TUBGCP6: variants seen among roughly 807,000 people sequenced by gnomAD.
TUBGCP6 encodes tubulin gamma complex component 6, also known as gamma-tubulin complex component 6.
Under a neutral mutation model 175.8 loss-of-function variants are expected in TUBGCP6, and 161 were observed. The observed-to-expected ratio is 0.92, with a 90% CI of 0.81 to 1.04. TUBGCP6 has a LOEUF of 1.04. Among genes scored for constraint, TUBGCP6 ranks in the 50% least tolerant of loss-of-function variants. TUBGCP6 has a pLI of 0.00. For missense variants in TUBGCP6, 2,572 were observed against 2,433.0 expected (o/e 1.06, Z -1.20); for synonymous variants, 1,173 against 1,030.5 (o/e 1.14, Z -2.65).
At position 50,218,406 on chromosome 22, in the gene TUBGCP6, G is replaced by C; in HGVS notation, c.4955-4C>G. The C allele has an allele frequency of 6.2e-7, 1 of 1,612,856 alleles. No individual in the cohort carries two copies. The highest frequency in any genetic ancestry group is 8.5e-7 in the Non-Finnish European group (1 of 1,179,870). Reference sequence around the variant, plus strand: ...CCGGCCATGTGGCTCAGCAGGGCTGGCGGAGGGCAGAAGGCAGAGGGCAGA... The same window carrying C: ...CCGGCCATGTGGCTCAGCAGGGCTGCCGGAGGGCAGAAGGCAGAGGGCAGA... On this transcript the variant is annotated splice_polypyrimidine_tract_variant and splice_region_variant and intron_variant, in intron 22 of 24. Transcript: ENST00000248846.
At position 50,219,349 on chromosome 22, in the gene TUBGCP6, T is replaced by G; in HGVS notation, c.4423A>C (p.Ser1475Arg). The change falls in exon 19 of 25, where the codon AGC becomes CGC. Residue 1475 changes from serine to arginine, a missense_variant. Ser to Arg is a moderately radical substitution (Grantham distance 110, BLOSUM62 -1). Transcript: ENST00000248846. ...SAADETAVQL[S>R]ELLTLPVLMK... ...AGCACGGGCAGCGTCAGCAACTCGC[T>G]CAGCTGCACAGCAGTCTCATCAGCG... The G allele has an allele frequency of 1.9e-6, 3 of 1,594,094 alleles. No homozygotes were observed. The Middle Eastern group carries it at 5.0e-4, about 264-fold the overall frequency.
At position 50,224,603 on chromosome 22, in the gene TUBGCP6, C is replaced by CAACT. The variant is rs1453670747; in HGVS notation, c.1984-15_1984-12dup. 1.2e-6 allele frequency: 2 copies of CAACT among 1,613,344 alleles called. No individual in the cohort carries two copies. Among genetic ancestry groups the CAACT allele is most frequent in the Non-Finnish European group, 1.7e-6 (2 of 1,179,918 alleles). On this transcript the variant is annotated splice_polypyrimidine_tract_variant and intron_variant, in intron 10 of 24. Transcript: ENST00000248846. ...TTCCATACGTAATTCCTGAGAAAGA[C>CAACT]AACTGGTAATCAAAGCATCCTGGCC...
intron 4 of TUBGCP6, among the ~76,000 whole-genome samples, chr22:50,228,391 T>TG (rs537206858): frequency 1.2e-3 from 175 of 151,410 alleles, no homozygotes; most frequent in African/African-American, 4.1e-3. Context: ...GCAAAGGGGC[T>TG]GGGGGGGAAA....
At chr22:50,234,466 TCGC>T (rs1601601379) in intron 2 of TUBGCP6, among the ~76,000 whole-genome samples, 2 of 102,310 alleles carry the variant, frequency 2.0e-5, no homozygotes, top group African/African-American at 7.9e-5. Context: ...CACAGCAGCA[TCGC>T]CCACACCCCC....
rs774338870 is a variant in TUBGCP6, at chr22:50,224,418, G to A, written c.2068C>T (p.Arg690Trp). 117 of 1,614,028 alleles carry A rather than the reference G, an allele frequency of 7.2e-5. No individual in the cohort carries two copies. Among genetic ancestry groups the A allele is most frequent in the East Asian group, 3.8e-4 (17 of 44,898 alleles). The change falls in exon 12 of 25, where the codon CGG becomes TGG. Residue 690 changes from arginine (R) to tryptophan (W), a missense_variant and splice_region_variant. By Grantham distance (101) the Arg-to-Trp change is moderately radical. Coordinates refer to ENST00000248846, the MANE Select transcript of TUBGCP6 (RefSeq NM_020461.4). ...AAGGCCATCCGTTCTGACATCTGCC[G>A]GTCTACATTGGGACAGTAAGGGGCG... ...ASRVLSALSD[R>W]QMSERMALDA...
rs138592738 is a variant in TUBGCP6, at chr22:50,224,586, G to A, written c.1990C>T (p.Arg664Cys). The change falls in exon 11 of 25, where the codon CGT (arginine) becomes TGT (cysteine). Residue 664 changes from arginine (R) to cysteine (C), a missense_variant. Arg to Cys is a radical substitution (Grantham distance 180, BLOSUM62 -3). Coordinates refer to ENST00000248846, the MANE Select transcript of TUBGCP6 (RefSeq NM_020461.4). ...SSVSKEEKEL[R>C]MEIAKQELIA... ...AATTCTTGTTTTGCAATTTCCATAC[G>A]TAATTCCTGAGAAAGACAACTGGTA... The A allele has an allele frequency of 2.4e-5, 39 of 1,613,788 alleles. No homozygotes were observed. Among genetic ancestry groups the A allele is most frequent in the Non-Finnish European group, 2.5e-5 (29 of 1,179,962 alleles).
In TUBGCP6 at chr22:50,243,730, G is replaced by C. The variant is rs1424072948; in HGVS notation, c.730C>G (p.Leu244Val). Residue 244 changes from leucine to valine, a missense_variant, in exon 1 of 25, where the codon CTG becomes GTG. Physicochemically the swap from Leu to Val is conservative, Grantham distance 32 (BLOSUM62 1). Coordinates refer to ENST00000248846, the MANE Select transcript of TUBGCP6 (RefSeq NM_020461.4). ...ACTAAACATTCTACCTTAATAGCCA[G>C]CCCAGAGAGGTCCGCATTGTCTGGC... ...PVPDNADLSG[L>V]AIKVPPSVDQ... 1 of 1,611,994 alleles carries C rather than the reference G, an allele frequency of 6.2e-7. No individual in the cohort carries two copies. Among genetic ancestry groups the C allele is most frequent in the Non-Finnish European group, 8.5e-7 (1 of 1,178,760 alleles).
In TUBGCP6 at chr22:50,220,846, C is replaced by T. The variant is rs61745994; in HGVS notation, c.3513G>A (p.Leu1171=). The change falls in exon 16 of 25, where the codon TTG becomes TTA. Residue 1171 remains leucine, a synonymous_variant. Transcript: ENST00000248846. ...HGHVSDASIS[L]GESVSDMAPA... The stretch of plus-strand genomic sequence containing the variant: ...GAGCCATGTCTGACACAGACTCCCC[C>T]AAGCTGATGCTGGCATCGGACACGT... 41,711 of 1,597,022 alleles carry T rather than the reference C, an allele frequency of 0.026. 606 individuals are homozygous for T. The highest frequency in any genetic ancestry group is 0.03 in the Non-Finnish European group (35,671 of 1,174,706).
At chr22:50,233,970 G>A (rs1408256319) in intron 2 of TUBGCP6, among the ~76,000 whole-genome samples, 4 of 151,244 alleles carry the variant, frequency 2.6e-5, no homozygotes, top group African/African-American at 9.7e-5. Context: ...CAGGTCCATG[G>A]CAGCATCCAC....
intron 4 of TUBGCP6, 66 bp downstream of exon 4, chr22:50,229,338 C>G: frequency 1.9e-6 from 3 of 1,552,552 alleles, no homozygotes; most frequent in South Asian, 2.3e-5. Context: ...CTCTGAGATT[C>G]TCTCTTCCAG....
intron 2 of TUBGCP6, among the ~76,000 whole-genome samples, chr22:50,235,080 C>T (rs2064753713): frequency 6.6e-6 from 1 of 151,660 alleles, no homozygotes; most frequent in South Asian, 2.1e-4. Flanking sequence ...ACACCCCTGT[C>T]CATGGGAACA....
Position 50,222,014 on chromosome 22 carries a change from A to C in TUBGCP6, c.2484+14T>G. 1 of 1,613,542 alleles carries C rather than the reference A, an allele frequency of 6.2e-7. No individual in the cohort carries two copies. Among genetic ancestry groups the C allele is most frequent in the East Asian group, 2.2e-5 (1 of 44,872 alleles). The stretch of plus-strand genomic sequence containing the variant: ...AAAACCATAGGGCACCCTGGGTTCC[A>C]CTCTGCCGCTTACCTGGGGGTGCAC... On this transcript the variant is annotated intron_variant, in intron 15 of 24. Coordinates refer to ENST00000248846, the MANE Select transcript of TUBGCP6 (RefSeq NM_020461.4).
rs1555906648 is a variant in TUBGCP6, at chr22:50,218,596, T to C, written c.4846A>G (p.Ile1616Val). The C allele has an allele frequency of 2.5e-6, 4 of 1,613,446 alleles. No homozygotes were observed. ...YKVDWPLNIV[I>V]TEGCVSKYSG... ...TACTTGCTCACGCAGCCCTCGGTGATGACAATGTTGAGAGGCCAGTCCACC... is the reference window on the plus strand; with the variant it reads ...TACTTGCTCACGCAGCCCTCGGTGACGACAATGTTGAGAGGCCAGTCCACC... Residue 1616 changes from isoleucine to valine, a missense_variant, in exon 22 of 25, where the codon ATC becomes GTC. Transcript: ENST00000248846.
At chr22:50,226,588 T>A (rs1187939912) in intron 7 of TUBGCP6, 145 bp downstream of exon 7, 1 of 544,498 alleles carries the variant, frequency 1.8e-6, no homozygotes, top group Non-Finnish European at 3.1e-6. Flanking sequence ...GGGTGGGGGG[T>A]TGGGGGCTCC....
chr22:50,221,288 C>A lies in TUBGCP6; in HGVS notation c.3071G>T (p.Arg1024Leu), dbSNP rs371211872. The change falls in exon 16 of 25, where the codon CGG (arginine) becomes CTG (leucine). Residue 1024 changes from arginine to leucine, a missense_variant. By Grantham distance (102) the Arg-to-Leu change is moderately radical (BLOSUM62 -2). Transcript: ENST00000248846. Reference protein sequence around the residue: ...LEEGSSQPTERLFGQVSGGGL... With the variant: ...LEEGSSQPTELLFGQVSGGGL... Reference sequence around the variant, plus strand: ...ACCCCCTGACACCTGCCCAAAGAGCCGCTCTGTGGGCTGGCTGCTCCCCTC... The same window carrying A: ...ACCCCCTGACACCTGCCCAAAGAGCAGCTCTGTGGGCTGGCTGCTCCCCTC... 1 of 1,613,802 alleles carries A rather than the reference C, an allele frequency of 6.2e-7. No homozygotes were observed. The highest frequency in any genetic ancestry group is 8.5e-7 in the Non-Finnish European group (1 of 1,180,046).
Position 50,218,800 on chromosome 22 carries a change from G to A in TUBGCP6, c.4724C>T (p.Pro1575Leu), listed in dbSNP as rs760094171. 9.3e-6 allele frequency: 15 copies of A among 1,613,994 alleles called. No individual in the cohort carries two copies. The highest frequency in any genetic ancestry group is 1.6e-4 in the Middle Eastern group (1 of 6,082). The change falls in exon 21 of 25, where the codon CCG becomes CTG. Residue 1575 changes from proline (P) to leucine (L), a missense_variant. Pro to Leu is a moderately conservative substitution (Grantham distance 98, BLOSUM62 -3). Coordinates refer to ENST00000248846, the MANE Select transcript of TUBGCP6 (RefSeq NM_020461.4). ...ALQCSLHGDT[P>L]HASNLSLALK... ...AGCGAGGGAGAGGTTGGAGGCGTGC[G>A]GGGTGTCCCCATGCAGGCTGCACTG...
chr22:50,221,196 G>A lies in TUBGCP6; in HGVS notation c.3163C>T (p.His1055Tyr), dbSNP rs724159997. ...PTRPRWNTHG[H>Y]VSDASIRVGE... ...ACCCTGATGCTGGCGTCAGACACGT[G>A]CCCGTGGGTGTTCCACCGTGGCCGG... Residue 1055 changes from histidine to tyrosine, a missense_variant, in exon 16 of 25, where the codon CAC becomes TAC. Transcript: ENST00000248846. 1.9e-6 allele frequency: 3 copies of A among 1,608,360 alleles called. No homozygotes were observed. Among genetic ancestry groups the A allele is most frequent in the Non-Finnish European group, 2.6e-6 (3 of 1,175,136 alleles).
rs764578957 is a variant in TUBGCP6 at position 50,218,878 on chromosome 22, G to A, written c.4646C>T (p.Pro1549Leu). Residue 1549 changes from proline (P) to leucine (L), a missense_variant, in exon 21 of 25, where the codon CCC becomes CTC. Pro to Leu is a moderately conservative substitution (Grantham distance 98). Coordinates refer to ENST00000248846, the MANE Select transcript of TUBGCP6 (RefSeq NM_020461.4). The part of the protein sequence containing the change: ...LFEKLGAGQT[P>L]GELLNPLVLN... ...CACCAGCGGGTTGAGCAGCTCTCCG[G>A]GCGTTTGCCCAGCTCCAAGCTAGGC... The A allele has an allele frequency of 3.1e-6, 5 of 1,612,436 alleles. No individual in the cohort carries two copies. The South Asian group carries it at 4.4e-5, about 14-fold the overall frequency.
intron 1 of TUBGCP6, among the ~76,000 whole-genome samples, chr22:50,242,679 C>T (rs1178710677): frequency 6.6e-6 from 1 of 152,234 alleles, no homozygotes; most frequent in Non-Finnish European, 1.5e-5. Flanking sequence ...GGTAAAGCCT[C>T]AGGCGACAGA....
Sources: allele counts gnomAD v4.1 joint callset (sites outside exome capture counted in the v4.1 genomes callset), GRCh38; gene constraint gnomAD v4.1.1; transcripts MANE v1.5; gene names NCBI Gene and HGNC (gene_info 2026-07-23, HGNC 2026-07-21).